KPNA4: variants seen among roughly 807,000 people sequenced by gnomAD.
The protein encoded by KPNA4 is karyopherin subunit alpha 4.
KPNA4 carries 13 observed loss-of-function variants against 71.3 expected under a neutral mutation model. That is an observed-to-expected ratio of 0.18 (90% CI 0.12 to 0.29). The LOEUF (loss-of-function observed/expected upper bound fraction) is 0.29. KPNA4 is among the 10% of genes least tolerant of loss of function. The pLI is 1.00. For synonymous variants in KPNA4, 189 were observed against 195.2 expected (o/e 0.97, Z 0.26); for missense variants, 334 against 603.2 (o/e 0.55, Z 4.67).
At chr3:160,540,115 T>C (rs1721770017) in intron 1 of KPNA4, among the ~76,000 whole-genome samples, 2 of 150,466 alleles carry the variant, frequency 1.3e-5, no homozygotes, top group South Asian at 4.2e-4. Flanking sequence ...TTCTCCTGCC[T>C]CAGCCTCCTG....
At chr3:160,513,266 T>TC (rs1248571564) in intron 13 of KPNA4, among the ~76,000 whole-genome samples, 1 of 145,142 alleles carries the variant, frequency 6.9e-6, no homozygotes, top group Non-Finnish European at 1.5e-5. Context: ...TTTTTTTTTT[T>TC]TTTTTTTGAG....
intron 14 of KPNA4, among the ~76,000 whole-genome samples, chr3:160,508,527 T>A (rs1721031101): frequency 6.6e-6 from 1 of 152,142 alleles, no homozygotes; most frequent in African/African-American, 2.4e-5. Flanking sequence ...TTCTTTGCCA[T>A]AAGAAATACT....
At chr3:160,519,781 G>A (rs1254822599) in intron 11 of KPNA4, among the ~76,000 whole-genome samples, 2 of 128,414 alleles carry the variant, frequency 1.6e-5, no homozygotes, top group African/African-American at 3.1e-5. Context: ...CGGCCTGGGC[G>A]ACAGAGCGAG....
At chr3:160,519,864 A>G (rs185612868) in intron 11 of KPNA4, among the ~76,000 whole-genome samples, 104 of 151,914 alleles carry the variant, frequency 6.8e-4, no homozygotes, top group Middle Eastern at 3.4e-3. Flanking sequence ...GTGTAAAATG[A>G]TATCTGGAAT....
chr3:160,556,345 G>A (rs1722136970), intron 1 of KPNA4, among the ~76,000 whole-genome samples: 1 of 152,114 alleles, frequency 6.6e-6, no homozygotes, highest in Admixed American at 6.5e-5. Context: ...AGGCATGTAT[G>A]AGGGTTCCAC....
chr3:160,545,286 C>T (rs368599884), intron 1 of KPNA4, among the ~76,000 whole-genome samples: 75 of 152,324 alleles, frequency 4.9e-4, no homozygotes, highest in Admixed American at 2.5e-3. Flanking sequence ...TAAAAGCCCT[C>T]TAGTTATGTT....
At chr3:160,530,980 T>C in intron 6 of KPNA4, 40 bp from the exon 7 acceptor site, 1 of 1,365,678 alleles carries the variant, frequency 7.3e-7, no homozygotes, top group Non-Finnish European at 1.0e-6. Flanking sequence ...GCAGGGATTT[T>C]TACATTGGGC....
intron 16 of KPNA4, among the ~76,000 whole-genome samples, chr3:160,504,323 T>C (rs1274346990): frequency 6.6e-6 from 1 of 152,152 alleles, no homozygotes; most frequent in African/African-American, 2.4e-5. Context: ...AGCTGAGAAA[T>C]CATTAAAGAA....
chr3:160,520,751 C>T (rs1721330615), intron 11 of KPNA4, among the ~76,000 whole-genome samples: 1 of 152,118 alleles, frequency 6.6e-6, no homozygotes, highest in South Asian at 2.1e-4. Flanking sequence ...AAAACAGCTC[C>T]ACACAGTTTA....
rs746369194 is a variant in KPNA4, at chr3:160,535,784, A to G, written c.204+24T>C. On this transcript the variant is annotated intron_variant, in intron 3 of 16. Coordinates refer to ENST00000334256, the MANE Select transcript of KPNA4 (RefSeq NM_002268.5). ...CTTTCACTCGTACTTTTAAGTTACCAGAATAACAATAACAATGACTTACCA... is the reference window on the plus strand; with the variant it reads ...CTTTCACTCGTACTTTTAAGTTACCGGAATAACAATAACAATGACTTACCA... 6.4e-6 allele frequency: 10 copies of G among 1,559,314 alleles called. No individual in the cohort carries two copies. In the African/African-American group the frequency reaches 1.4e-4, roughly 22 times the overall value.
At chr3:160,502,527 C>T (rs1032324992) in intron 16 of KPNA4, among the ~76,000 whole-genome samples, 16 of 151,888 alleles carry the variant, frequency 1.1e-4, no homozygotes, top group Admixed American at 3.9e-4. Flanking sequence ...TGCACCACCA[C>T]GCCTGGCTAA....
At chr3:160,546,143 G>T (rs918415469) in intron 1 of KPNA4, among the ~76,000 whole-genome samples, 4 of 152,158 alleles carry the variant, frequency 2.6e-5, no homozygotes, top group African/African-American at 9.7e-5. Context: ...GAGATTATCT[G>T]CAAAATGAGC....
At position 160,531,637 on chromosome 3, in the gene KPNA4, A is replaced by G. The variant is rs114761542; in HGVS notation, c.288-80T>C. 2.5e-3 allele frequency: 1,691 copies of G among 676,286 alleles called. 31 individuals are homozygous for G. The African/African-American group carries it at 0.028, about 11-fold the overall frequency. The allele number at this position is 676,286 out of a possible 1,614,324, so 41.9% of individuals were successfully genotyped here. On this transcript the variant is annotated intron_variant, in intron 5 of 16. Coordinates refer to ENST00000334256, the MANE Select transcript of KPNA4 (RefSeq NM_002268.5). ...AAATATAAATTCATATTTGACAAAT[A>G]TTAACATAAATCTGAATATTTGGTA... is the stretch of plus-strand genomic sequence containing the variant.
chr3:160,531,690 T>C, intron 5 of KPNA4, 133 bp from the exon 6 acceptor site: 1 of 439,270 alleles, frequency 2.3e-6, no homozygotes, highest in Non-Finnish European at 4.1e-6. Context: ...ATTAACAATT[T>C]ATATAATGCA....
In KPNA4 at chr3:160,518,287, T is replaced by C. The variant is rs376060703; in HGVS notation, c.904-2707A>G. 5.9e-5 allele frequency among the ~76,000 whole-genome samples: 9 copies of C among 151,700 alleles called. No homozygotes were observed. The East Asian group carries it at 1.2e-3, about 20-fold the overall frequency. On this transcript the variant is annotated intron_variant, in intron 11 of 16. Coordinates refer to ENST00000334256, the MANE Select transcript of KPNA4 (RefSeq NM_002268.5). ...AGTAGCTGGGACTACAGGCGCCCGC[T>C]ACCACGCCCGGCTAATTTTTTGTAT...
intron 1 of KPNA4, among the ~76,000 whole-genome samples, chr3:160,541,639 TTATA>T (rs1257342061): frequency 2.5e-5 from 3 of 119,000 alleles, no homozygotes; most frequent in Non-Finnish European, 5.2e-5. Flanking sequence ...TTTTTAAAAG[TTATA>T]TACGCGCACA....
At chr3:160,550,425 T>C (rs567927912) in intron 1 of KPNA4, among the ~76,000 whole-genome samples, 1 of 152,158 alleles carries the variant, frequency 6.6e-6, no homozygotes, top group African/African-American at 2.4e-5. Context: ...GCCTGGATAG[T>C]TTTTATTTTA....
chr3:160,543,914 A>G (rs542507052), intron 1 of KPNA4, among the ~76,000 whole-genome samples: 287 of 151,358 alleles, frequency 1.9e-3, no homozygotes, highest in African/African-American at 6.5e-3. Flanking sequence ...CTGCAGTGCA[A>G]TGGCGCGATC....
At chr3:160,505,104 C>A in intron 15 of KPNA4, 52 bp from the exon 16 acceptor site, 1 of 939,774 alleles carries the variant, frequency 1.1e-6, no homozygotes, top group Non-Finnish European at 1.6e-6. Flanking sequence ...AGAGCAGTGA[C>A]AAGTTAGAAT....
Sources: gnomAD v4.1 joint callset for allele counts (sites outside exome capture counted in the v4.1 genomes callset) on GRCh38, gnomAD v4.1.1 for gene constraint, MANE v1.5 for transcripts, NCBI Gene and HGNC (gene_info 2026-07-23, HGNC 2026-07-21) for gene names.